N4BP1: variants seen among roughly 807,000 people sequenced by gnomAD.
N4BP1 encodes the protein NEDD4 binding protein 1.
N4BP1 carries 21 observed loss-of-function variants against 70.9 expected under a neutral mutation model. The ratio of observed to expected loss-of-function variants is 0.30; its 90% CI spans 0.21 to 0.43. The LOEUF is 0.43. N4BP1 is among the 20% of genes least tolerant of loss of function. The pLI, the probability that N4BP1 is intolerant of heterozygous loss-of-function variation, is 1.00. For synonymous variants in N4BP1, 387 were observed against 394.6 expected (o/e 0.98, Z 0.23); for missense variants, 936 against 1,069.4 (o/e 0.88, Z 1.74).
chr16:48,595,709 T>C (rs1463705929), intron 1 of N4BP1, among the ~76,000 whole-genome samples: 4 of 152,218 alleles, frequency 2.6e-5, no homozygotes, highest in African/African-American at 9.7e-5. Flanking sequence ...AGGCTTTGAC[T>C]GGAATGGCGT....
At position 48,609,093 on chromosome 16, in the gene N4BP1, T is replaced by C. The variant is rs1399055551; in HGVS notation, c.198+682A>G. ...AGCCGGGCGTGGTGGCGCGCTCCTATAGTACTAGCTACTCGGGAGGCTGAG... is the reference window on the plus strand; with the variant it reads ...AGCCGGGCGTGGTGGCGCGCTCCTACAGTACTAGCTACTCGGGAGGCTGAG... On this transcript the variant is annotated intron_variant, in intron 1 of 6. Transcript: ENST00000262384. 7.3e-5 allele frequency among the ~76,000 whole-genome samples: 11 copies of C among 149,924 alleles called. No homozygotes were observed. The East Asian group carries it at 2.0e-3, about 27-fold the overall frequency.
chr16:48,608,049 G>C (rs1044072100), intron 1 of N4BP1, among the ~76,000 whole-genome samples: 4 of 152,144 alleles, frequency 2.6e-5, no homozygotes, highest in Non-Finnish European at 5.9e-5. Flanking sequence ...TTTTAGTAGA[G>C]ATGCCACTGC....
intron 1 of N4BP1, among the ~76,000 whole-genome samples, chr16:48,575,317 C>T (rs992501822): frequency 6.6e-6 from 1 of 152,086 alleles, no homozygotes; most frequent in African/African-American, 2.4e-5. Context: ...AAAATATCTC[C>T]CCCATCCTAC....
chr16:48,562,254 G>C lies in N4BP1; in HGVS notation c.389C>G (p.Ala130Gly). Residue 130 changes from alanine to glycine, a missense_variant, in exon 2 of 7, where the codon GCT becomes GGT. Coordinates refer to ENST00000262384, the MANE Select transcript of N4BP1 (RefSeq NM_153029.4). Reference protein sequence around the residue: ...IRGSAEAVVMARSHIQQFVKL... With the variant: ...IRGSAEAVVMGRSHIQQFVKL... ...TACAAATTGTTGAATGTGACTCCTA[G>C]CCATGACCACAGCCTCAGCACTTCC... is the stretch of plus-strand genomic sequence containing the variant. 1 of 1,613,902 alleles carries C rather than the reference G, an allele frequency of 6.2e-7. No homozygotes were observed. The highest frequency in any genetic ancestry group is 1.1e-5 in the South Asian group (1 of 91,080).
intron 4 of N4BP1, among the ~76,000 whole-genome samples, chr16:48,549,313 G>A (rs181713773): frequency 2.8e-4 from 42 of 152,296 alleles, no homozygotes; most frequent in Middle Eastern, 3.4e-3. Context: ...TCTAACTGGT[G>A]TGAGTTGTAA....
Position 48,600,306 on chromosome 16 carries a change from G to A in N4BP1, c.198+9469C>T, listed in dbSNP as rs1330428696. On this transcript the variant is annotated intron_variant, in intron 1 of 6. Transcript: ENST00000262384. ...TAAAAAGAAGCACAATCCTTGCAAA[G>A]TTAGGTGGACCAAAGCATTCCGGAA... The A allele has an allele frequency of 7.2e-6, 8 of 1,115,884 alleles. No individual in the cohort carries two copies. In the Admixed American group the frequency reaches 1.4e-4, roughly 19 times the overall value. 69.1% of individuals were successfully genotyped at this position (1,115,884 alleles called of 1,614,324 possible). A position where few individuals can be genotyped will look rare whatever the true frequency, so the allele number is the denominator to read the frequency against.
chr16:48,561,030 A>G lies in N4BP1; in HGVS notation c.1613T>C (p.Met538Thr), dbSNP rs775924891. The part of the protein sequence containing the change: ...QQPEPLLPNN[M>T]KSACEKRLGC... The stretch of plus-strand genomic sequence containing the variant: ...TAAACGTTTTTCACAGGCAGATTTC[A>G]TATTATTTGGAAGCAAGGGTTCTGG... Residue 538 changes from methionine to threonine, a missense_variant, in exon 2 of 7, where the codon ATG becomes ACG. Transcript: ENST00000262384. 6.2e-7 allele frequency: 1 copy of G among 1,613,988 alleles called. No individual in the cohort carries two copies. The highest frequency in any genetic ancestry group is 8.5e-7 in the Non-Finnish European group (1 of 1,179,882).
At chr16:48,574,603 T>C (rs1457922932) in intron 1 of N4BP1, among the ~76,000 whole-genome samples, 3 of 152,168 alleles carry the variant, frequency 2.0e-5, no homozygotes, top group Non-Finnish European at 4.4e-5. Flanking sequence ...CAACCTTAAT[T>C]TTTTGTCATT....
At chr16:48,600,942 A>G (rs1964487973) in intron 1 of N4BP1, among the ~76,000 whole-genome samples, 1 of 152,220 alleles carries the variant, frequency 6.6e-6, no homozygotes, top group South Asian at 2.1e-4. Flanking sequence ...TGGCATTTGT[A>G]TAATAAGTAA....
chr16:48,548,964 G>A (rs1872530326), intron 4 of N4BP1, among the ~76,000 whole-genome samples: 1 of 152,076 alleles, frequency 6.6e-6, no homozygotes, highest in Non-Finnish European at 1.5e-5. Flanking sequence ...CAGGATACAT[G>A]GTGATAAAAA....
At chr16:48,600,250 G>T (rs1337049578) in intron 1 of N4BP1, 12 of 950,766 alleles carry the variant, frequency 1.3e-5, no homozygotes, top group Non-Finnish European at 1.8e-5. Context: ...AAGGTGTTCA[G>T]ATTTTGTAAA....
At chr16:48,576,857 C>T (rs376542607) in intron 1 of N4BP1, among the ~76,000 whole-genome samples, 15 of 152,228 alleles carry the variant, frequency 9.9e-5, no homozygotes, top group Middle Eastern at 3.2e-3. Flanking sequence ...TCCTTCAAAT[C>T]CACTGCTGAT....
At chr16:48,586,608 T>C (rs760267462) in intron 1 of N4BP1, among the ~76,000 whole-genome samples, 14 of 152,236 alleles carry the variant, frequency 9.2e-5, no homozygotes, top group Non-Finnish European at 2.1e-4. Flanking sequence ...GTTACATGTA[T>C]CAGCCAGTAA....
intron 1 of N4BP1, chr16:48,578,214 G>T: frequency 6.2e-6 from 1 of 161,068 alleles, no homozygotes; most frequent in South Asian, 1.6e-4. Flanking sequence ...CTTGGTAATG[G>T]GCATATATTT....
At chr16:48,600,461 A>C (rs1964478137) in intron 1 of N4BP1, 1 of 622,446 alleles carries the variant, frequency 1.6e-6, no homozygotes, top group Non-Finnish European at 3.0e-6. Context: ...AAGAGATCAA[A>C]CAGAAACGCC....
intron 1 of N4BP1, among the ~76,000 whole-genome samples, chr16:48,590,561 T>C (rs928029262): frequency 2.0e-5 from 3 of 152,190 alleles, no homozygotes; most frequent in African/African-American, 7.2e-5. Flanking sequence ...CCTCTGGCAA[T>C]GGATCCAGAG....
chr16:48,594,989 C>G (rs1374618528), intron 1 of N4BP1, among the ~76,000 whole-genome samples: 1 of 152,002 alleles, frequency 6.6e-6, no homozygotes, highest in African/African-American at 2.4e-5. Flanking sequence ...CTCCTGAATG[C>G]AAGTTTCTAA....
chr16:48,601,243 G>T (rs1198944729), intron 1 of N4BP1, among the ~76,000 whole-genome samples: 1 of 152,186 alleles, frequency 6.6e-6, no homozygotes, highest in Non-Finnish European at 1.5e-5. Flanking sequence ...TCTTTGCATG[G>T]ACTGTCGCTA....
In N4BP1 at chr16:48,561,441, G is replaced by A; in HGVS notation, c.1202C>T (p.Thr401Ile). 1.2e-6 allele frequency: 2 copies of A among 1,612,460 alleles called. No individual in the cohort carries two copies. The highest frequency in any genetic ancestry group is 1.7e-6 in the Non-Finnish European group (2 of 1,179,556). Residue 401 changes from threonine to isoleucine, a missense_variant, in exon 2 of 7, where the codon ACA becomes ATA. Thr to Ile is a moderately conservative substitution (Grantham distance 89). Transcript: ENST00000262384. ...GGTTTTGTTGGTCTCTGGATACACT[G>A]TACCAGCTGAAAATTCTCTGTCTTC... Reference protein sequence around the residue: ...FQEDREFSAGTVYPETNKTKN... With the variant: ...FQEDREFSAGIVYPETNKTKN...
Sources: allele counts gnomAD v4.1 joint callset (sites outside exome capture counted in the v4.1 genomes callset), GRCh38; gene constraint gnomAD v4.1.1; transcripts MANE v1.5; gene names NCBI Gene and HGNC (gene_info 2026-07-23, HGNC 2026-07-21).